The following B3GAT2 variants were observed in gnomAD, a reference collection of about 807,000 sequenced individuals.
B3GAT2 encodes the protein galactosylgalactosylxylosylprotein 3-beta-glucuronosyltransferase 2.
A neutral mutation model predicts 27.8 loss-of-function variants in B3GAT2; 26 were observed. The observed-to-expected ratio is 0.93, with a 90% confidence interval of 0.68 to 1.30. The LOEUF (loss-of-function observed/expected upper bound fraction) is 1.30. B3GAT2 is among the 50% of genes most tolerant of loss of function. The pLI is 0.00. For missense variants in B3GAT2, 458 were observed against 459.0 expected (o/e 1.00, Z 0.02); for synonymous variants, 218 against 195.1 (o/e 1.12, Z -0.98).
chr6:70,879,811 C>T (rs988945165), intron 2 of B3GAT2, among the ~76,000 whole-genome samples: 1 of 151,986 alleles, frequency 6.6e-6, no homozygotes, highest in Non-Finnish European at 1.5e-5. Flanking sequence ...GACAAGTACA[C>T]GTGATGGCGG....
chr6:70,927,448 C>G (rs2150044299), intron 1 of B3GAT2, among the ~76,000 whole-genome samples: 1 of 152,240 alleles, frequency 6.6e-6, no homozygotes, highest in South Asian at 2.1e-4. Flanking sequence ...CATGCAGAGA[C>G]ACACATAGGC....
chr6:70,936,666 C>T (rs1223050666), intron 1 of B3GAT2, among the ~76,000 whole-genome samples: 16 of 151,894 alleles, frequency 1.1e-4, no homozygotes, highest in East Asian at 3.9e-4. Context: ...GGGTACATAA[C>T]GAAATGAAGG....
chr6:70,915,898 T>G (rs1772765363), intron 1 of B3GAT2, among the ~76,000 whole-genome samples: 1 of 152,204 alleles, frequency 6.6e-6, no homozygotes. Context: ...TCTTTTTTGG[T>G]TCCATATGAG....
At chr6:70,871,308 A>C (rs1019466348) in intron 2 of B3GAT2, among the ~76,000 whole-genome samples, 1 of 124,036 alleles carries the variant, frequency 8.1e-6, no homozygotes, top group Non-Finnish European at 1.7e-5. Flanking sequence ...GTTCCCTTCT[A>C]TTTTTTGGAG....
In B3GAT2 at chr6:70,857,946, T is replaced by C. The variant is rs118174139; in HGVS notation, c.*3717A>G. ...GGTGTATTTATGGGACCCACAAATA[T>C]ACCATTTACCTCACAAGCACCAGCT... On this transcript the variant is annotated 3_prime_UTR_variant, in exon 4 of 4. Transcript: ENST00000230053. 1.5e-4 allele frequency: 242 copies of C among 1,614,138 alleles called. 1 individual carries two copies. In the East Asian group the frequency reaches 2.7e-3, roughly 18 times the overall value.
intron 2 of B3GAT2, among the ~76,000 whole-genome samples, chr6:70,864,491 G>A (rs1428723507): frequency 2.0e-5 from 3 of 152,160 alleles, no homozygotes; most frequent in Non-Finnish European, 4.4e-5. Flanking sequence ...CAGCACCCTG[G>A]AGACATGTTA....
intron 1 of B3GAT2, among the ~76,000 whole-genome samples, chr6:70,920,226 G>A (rs1056219977): frequency 1.3e-5 from 2 of 152,226 alleles, no homozygotes; most frequent in Non-Finnish European, 1.5e-5. Context: ...GGGACCCACC[G>A]AGCAGGCATG....
In B3GAT2 at chr6:70,956,977, C is replaced by A. The variant is rs1319079463; in HGVS notation, c.-548G>T. The stretch of plus-strand genomic sequence containing the variant: ...CGGGTGGAGACGCTGGGGGTTGTGT[C>A]CCGGCTGTGTTCGCGCGCCGCAGCG... On this transcript the variant is annotated 5_prime_UTR_variant, in exon 1 of 4. Coordinates refer to ENST00000230053, the MANE Select transcript of B3GAT2 (RefSeq NM_080742.3). The A allele has an allele frequency of 1.1e-5, 11 of 999,736 alleles. No homozygotes were observed. The highest frequency in any genetic ancestry group is 1.7e-5 in the African/African-American group (1 of 57,282). 61.9% of individuals were successfully genotyped at this position (999,736 alleles called of 1,614,324 possible).
chr6:70,874,258 G>A (rs1296694418), intron 2 of B3GAT2, among the ~76,000 whole-genome samples: 1 of 152,068 alleles, frequency 6.6e-6, no homozygotes, highest in Non-Finnish European at 1.5e-5. Context: ...AACTAACTTT[G>A]TAAAGTCTGT....
At chr6:70,896,691 T>C (rs2150032755) in intron 1 of B3GAT2, among the ~76,000 whole-genome samples, 1 of 152,278 alleles carries the variant, frequency 6.6e-6, no homozygotes, top group East Asian at 1.9e-4. Flanking sequence ...GCTTCTTTCA[T>C]TTGGCATAGT....
intron 1 of B3GAT2, among the ~76,000 whole-genome samples, chr6:70,898,996 A>G (rs1055889153): frequency 6.6e-6 from 1 of 151,342 alleles, no homozygotes; most frequent in Admixed American, 6.6e-5. Flanking sequence ...ATAAATAAAT[A>G]GGAATGAAAA....
chr6:70,901,221 C>T (rs1283433498), intron 1 of B3GAT2, among the ~76,000 whole-genome samples: 1 of 152,200 alleles, frequency 6.6e-6, no homozygotes, highest in African/African-American at 2.4e-5. Flanking sequence ...CTAATGATTT[C>T]ACCATCCATC....
intron 2 of B3GAT2, among the ~76,000 whole-genome samples, chr6:70,867,264 T>C (rs991685781): frequency 2.0e-5 from 3 of 151,852 alleles, no homozygotes; most frequent in Non-Finnish European, 4.4e-5. Flanking sequence ...CTTTATAAAT[T>C]AGAAAAAGAA....
At chr6:70,926,024 G>A (rs1772950438) in intron 1 of B3GAT2, among the ~76,000 whole-genome samples, 1 of 152,196 alleles carries the variant, frequency 6.6e-6, no homozygotes, top group Non-Finnish European at 1.5e-5. Context: ...TGACACCCAG[G>A]CAAACAGCGT....
At chr6:70,942,050 C>A (rs1299547545) in intron 1 of B3GAT2, among the ~76,000 whole-genome samples, 3 of 152,146 alleles carry the variant, frequency 2.0e-5, no homozygotes, top group African/African-American at 7.2e-5. Context: ...CAATTTACCA[C>A]CCACCTTATC....
At chr6:70,945,376 A>G (rs1416489839) in intron 1 of B3GAT2, among the ~76,000 whole-genome samples, 7 of 152,176 alleles carry the variant, frequency 4.6e-5, no homozygotes, top group Non-Finnish European at 7.3e-5. Flanking sequence ...AGAAGTGCTT[A>G]AAGGAGCTGA....
At chr6:70,915,915 A>G (rs1186935470) in intron 1 of B3GAT2, among the ~76,000 whole-genome samples, 3 of 152,160 alleles carry the variant, frequency 2.0e-5, no homozygotes, top group African/African-American at 4.8e-5. Context: ...TGAGCTTTAA[A>G]GTAGTTTTTT....
chr6:70,910,417 A>G (rs915205928), intron 1 of B3GAT2, among the ~76,000 whole-genome samples: 71 of 152,222 alleles, frequency 4.7e-4, no homozygotes, highest in African/African-American at 1.5e-3. Flanking sequence ...AAGTTAGAAC[A>G]TGCAGCATTT....
intron 1 of B3GAT2, among the ~76,000 whole-genome samples, chr6:70,921,657 G>A (rs1345272669): frequency 6.6e-6 from 1 of 152,186 alleles, no homozygotes; most frequent in African/African-American, 2.4e-5. Flanking sequence ...CTGGAGGTAA[G>A]AAGGCACTCT....
Sources: gnomAD v4.1 joint callset for allele counts (sites outside exome capture counted in the v4.1 genomes callset) on GRCh38, gnomAD v4.1.1 for gene constraint, MANE v1.5 for transcripts, NCBI Gene and HGNC (gene_info 2026-07-23, HGNC 2026-07-21) for gene names.